Variants in HDLBP observed in about 807,000 individuals in gnomAD.
The protein encoded by HDLBP is high density lipoprotein binding protein, also known as vigilin.
In HDLBP, 30 loss-of-function variants were observed where a neutral mutation model predicts 137.3. The ratio of observed to expected loss-of-function variants is 0.22; its 90% CI spans 0.16 to 0.30. The LOEUF (loss-of-function observed/expected upper bound fraction) is 0.30, where lower values mean the gene tolerates loss of function less well. Ranked by LOEUF, HDLBP falls within the 10% of genes least tolerant of loss-of-function variation. The pLI, the probability that HDLBP is intolerant of heterozygous loss-of-function variation, is 1.00. For synonymous variants in HDLBP, 606 were observed against 596.0 expected (o/e 1.02, Z -0.24); for missense variants, 1,119 against 1,667.3 (o/e 0.67, Z 5.73).
chr2:241,254,903 T>C, intron 9 of HDLBP, 148 bp downstream of exon 9: 4 of 687,692 alleles, frequency 5.8e-6, no homozygotes, highest in Admixed American at 2.1e-5. Context: ...AACACGGAAG[T>C]TGACCATGTC....
At position 241,233,458 on chromosome 2, in the gene HDLBP, C is replaced by G. The variant is rs1417900036; in HGVS notation, c.3288+362G>C. Among the ~76,000 whole-genome samples the G allele has an allele frequency of 6.6e-6, 1 of 152,130 alleles. No individual in the cohort carries two copies. Among genetic ancestry groups the G allele is most frequent in the East Asian group, 1.9e-4 (1 of 5,186 alleles). On this transcript the variant is annotated intron_variant, in intron 24 of 27. Transcript: ENST00000310931. This position sits in a 1 kb window ranked among gnomAD's most constrained non-coding sequence, Gnocchi z 4.3. ...GAAATGTCCACCTGACCCCAAGAGG[C>G]CCAGGTGACAGGTGAATGAGAGCCC...
chr2:241,284,886 A>T (rs1205895350), intron 1 of HDLBP, among the ~76,000 whole-genome samples: 3 of 152,114 alleles, frequency 2.0e-5, no homozygotes, highest in African/African-American at 7.2e-5. Flanking sequence ...TTTTATTATT[A>T]TTTTTTGAGA....
intron 1 of HDLBP, among the ~76,000 whole-genome samples, chr2:241,276,028 T>G (rs1264984862): frequency 6.6e-6 from 1 of 152,064 alleles, no homozygotes; most frequent in African/African-American, 2.4e-5. Context: ...CAATAAAATT[T>G]GAAGGGAATT....
chr2:241,232,281 T>C (rs1473036152), intron 24 of HDLBP, among the ~76,000 whole-genome samples: 1 of 151,840 alleles, frequency 6.6e-6, no homozygotes. Context: ...ATGACTTTTT[T>C]TTTTTTTTTT....
intron 16 of HDLBP, chr2:241,246,501 A>G: frequency 2.3e-6 from 1 of 434,682 alleles, no homozygotes; most frequent in East Asian, 3.8e-5. Flanking sequence ...TCAGGTAACA[A>G]GAAGAAAATG....
At chr2:241,286,143 A>C (rs1200173583) in intron 1 of HDLBP, among the ~76,000 whole-genome samples, 1 of 152,166 alleles carries the variant, frequency 6.6e-6, no homozygotes, top group South Asian at 2.1e-4. Flanking sequence ...ACATATTATC[A>C]ATTTCATTTA....
intron 16 of HDLBP, 81 bp downstream of exon 16, chr2:241,246,671 C>T (rs1010399125): frequency 2.6e-5 from 37 of 1,396,540 alleles, no homozygotes; most frequent in African/African-American, 5.7e-5. Flanking sequence ...AATGACCCTG[C>T]GTGACTCAAC....
chr2:241,297,466 A>G (rs532615966), intron 1 of HDLBP, among the ~76,000 whole-genome samples: 4 of 152,326 alleles, frequency 2.6e-5, no homozygotes, highest in African/African-American at 4.8e-5. Flanking sequence ...TTTTCAATAC[A>G]TGGAGATATT....
At chr2:241,302,498 A>C (rs991140380) in intron 1 of HDLBP, 1 of 152,238 alleles carries the variant, frequency 6.6e-6, no homozygotes, top group African/African-American at 2.4e-5. Context: ...AGTTGTGATC[A>C]CAGCACTGCA....
intron 16 of HDLBP, chr2:241,243,766 C>A (rs1416876541): frequency 1.3e-5 from 2 of 152,214 alleles, no homozygotes; most frequent in African/African-American, 4.8e-5. Context: ...CTCTGATCCT[C>A]CCTAATAAAC....
intron 12 of HDLBP, among the ~76,000 whole-genome samples, 184 bp downstream of exon 12, chr2:241,249,657 C>T (rs999874114): frequency 5.9e-5 from 9 of 152,238 alleles, no homozygotes; most frequent in Non-Finnish European, 1.2e-4. Flanking sequence ...GAGAACAAGA[C>T]GTGCAGGTGA....
intron 24 of HDLBP, among the ~76,000 whole-genome samples, chr2:241,232,318 C>T (rs998102137): frequency 3.3e-5 from 5 of 151,844 alleles, no homozygotes; most frequent in African/African-American, 1.2e-4. Flanking sequence ...CTCTGTCGCC[C>T]AGGCTGGAGT....
chr2:241,266,861 G>T lies in HDLBP; in HGVS notation c.9C>A (p.Ser3=). 6.2e-7 allele frequency: 1 copy of T among 1,614,052 alleles called. No homozygotes were observed. Among genetic ancestry groups the T allele is most frequent in the Non-Finnish European group, 8.5e-7 (1 of 1,179,948 alleles). ...AACTCTCTTGGGTCAAAACTGCAAC[G>T]GAACTCATGGTTGATCTCACACCTA... MS[S]VAVLTQESFA... Residue 3 remains serine (S), a synonymous_variant, in exon 3 of 28, where the codon TCC becomes TCA. Coordinates refer to ENST00000310931, the MANE Select transcript of HDLBP (RefSeq NM_005336.6).
intron 6 of HDLBP, 95 bp downstream of exon 6, chr2:241,256,505 T>C: frequency 3.3e-6 from 5 of 1,503,256 alleles, no homozygotes; most frequent in Non-Finnish European, 4.6e-6. Context: ...CACCACATTA[T>C]GCCTTGAAGT....
chr2:241,314,969 C>CCGGGCCGGGGCACAACCCG lies in HDLBP; in HGVS notation c.-103+582_-103+600dup, dbSNP rs1378030573. On this transcript the variant is annotated intron_variant, in intron 1 of 27. Coordinates refer to ENST00000310931, the MANE Select transcript of HDLBP (RefSeq NM_005336.6). Reference sequence around the variant, plus strand: ...CACGCGGGAGGGAGGAAAGGACACCCCGGGCCGGGGCACAACCCGCGGGCC... The same window carrying CCGGGCCGGGGCACAACCCG: ...CACGCGGGAGGGAGGAAAGGACACCCCGGGCCGGGGCACAACCCGCGGGCCGGGGCACAACCCGCGGGCC... 5.3e-5 allele frequency: 8 copies of CCGGGCCGGGGCACAACCCG among 152,302 alleles called. 1 individual carries two copies. The highest frequency in any genetic ancestry group is 1.7e-4 in the African/African-American group (7 of 41,578). The allele number at this position is 152,302 out of a possible 1,614,324, so 9.4% of individuals were successfully genotyped here. A position where few individuals can be genotyped will look rare whatever the true frequency, so the allele number is the denominator to read the frequency against.
At chr2:241,261,079 C>T (rs774508734) in intron 5 of HDLBP, among the ~76,000 whole-genome samples, 141 of 151,268 alleles carry the variant, frequency 9.3e-4, no homozygotes, top group Non-Finnish European at 1.6e-3. Flanking sequence ...CCTGCAGTCT[C>T]AACTACTTGA....
intron 1 of HDLBP, among the ~76,000 whole-genome samples, chr2:241,295,279 T>A (rs1239267485): frequency 6.6e-6 from 1 of 152,146 alleles, no homozygotes; most frequent in Non-Finnish European, 1.5e-5. Context: ...GCTAATAGTA[T>A]AGTATTAAAA....
At chr2:241,255,271 T>A in intron 8 of HDLBP, 103 bp downstream of exon 8, 1 of 1,412,096 alleles carries the variant, frequency 7.1e-7, no homozygotes. Flanking sequence ...CCTGGGCACC[T>A]GCACTGTGTC....
intron 24 of HDLBP, among the ~76,000 whole-genome samples, chr2:241,232,523 G>A (rs977532796): frequency 3.9e-5 from 6 of 152,140 alleles, no homozygotes; most frequent in African/African-American, 7.2e-5. Flanking sequence ...GGATCCACCC[G>A]CCTCGGCCTC....
Sources: allele counts gnomAD v4.1 joint callset (sites outside exome capture counted in the v4.1 genomes callset), GRCh38; gene constraint gnomAD v4.1.1; non-coding constraint Gnocchi (gnomAD v3.1); transcripts MANE v1.5; gene names NCBI Gene and HGNC (gene_info 2026-07-23, HGNC 2026-07-21).